The following TRIOBP variants were observed in gnomAD, a reference collection of about 807,000 sequenced individuals.
The protein encoded by TRIOBP is TRIO and F-actin binding protein, also known as TRIO and F-actin-binding protein.
In TRIOBP, 169 loss-of-function variants were observed where a neutral mutation model predicts 238.8. That is an observed-to-expected ratio of 0.71 (90% CI 0.62 to 0.80). The LOEUF (loss-of-function observed/expected upper bound fraction) is 0.80, where lower values mean the gene tolerates loss of function less well. TRIOBP is among the 30% of genes least tolerant of loss of function. The pLI, the probability that TRIOBP is intolerant of heterozygous loss-of-function variation, is 0.00. For synonymous variants in TRIOBP, 1,150 were observed against 1,274.4 expected (o/e 0.90, Z 2.08); for missense variants, 2,838 against 3,122.6 (o/e 0.91, Z 2.17).
At chr22:37,763,624 G>T (rs1316513746) in intron 17 of TRIOBP, among the ~76,000 whole-genome samples, 2 of 152,074 alleles carry the variant, frequency 1.3e-5, no homozygotes, top group African/African-American at 4.8e-5. Context: ...TTATATAAAA[G>T]AAATGTTTAC....
intron 6 of TRIOBP, among the ~76,000 whole-genome samples, chr22:37,716,428 T>C (rs1046753239): frequency 6.7e-5 from 10 of 149,994 alleles, no homozygotes; most frequent in African/African-American, 2.2e-4. Context: ...ATTATTATTA[T>C]TATTACTATT....
chr22:37,723,132 G>A, intron 6 of TRIOBP, 53 bp from the exon 7 acceptor site: 3 of 1,592,436 alleles, frequency 1.9e-6, no homozygotes, highest in Non-Finnish European at 2.6e-6. Flanking sequence ...GGTAGAATAT[G>A]AGAGCTGCCT....
intron 17 of TRIOBP, among the ~76,000 whole-genome samples, chr22:37,762,674 CA>C (rs1456210536): frequency 6.6e-6 from 1 of 152,152 alleles, no homozygotes; most frequent in African/African-American, 2.4e-5. Context: ...GAAGACCAGG[CA>C]GGTGGAGGAG....
Position 37,725,859 on chromosome 22 carries a change from C to G in TRIOBP, c.3303C>G (p.Pro1101=), listed in dbSNP as rs201406421. 1.1e-5 allele frequency: 18 copies of G among 1,613,166 alleles called. No homozygotes were observed. In the South Asian group the frequency reaches 2.0e-4, roughly 18 times the overall value. The change falls in exon 7 of 24, where the codon CCC becomes CCG. Residue 1101 remains proline (P), a synonymous_variant. Coordinates refer to ENST00000644935, the MANE Select transcript of TRIOBP (RefSeq NM_001039141.3). ...TSDAEHQCQS[P]QHEPLQLPAP... Reference sequence around the variant, plus strand: ...ATGCCGAGCATCAGTGTCAGTCCCCCCAACACGAGCCCCTTCAGCTCCCTG... The same window carrying G: ...ATGCCGAGCATCAGTGTCAGTCCCCGCAACACGAGCCCCTTCAGCTCCCTG...
rs1317870943 is a variant in TRIOBP at position 37,755,538 on chromosome 22, G to T, written c.5578-12G>T. 6 of 1,612,938 alleles carry T rather than the reference G, an allele frequency of 3.7e-6. No individual in the cohort carries two copies. Reference sequence around the variant, plus strand: ...GGCCATGTGGCAACCTACCCATGCGGTGGCCTTGCAGACCAAGGATGCTGT... The same window carrying T: ...GGCCATGTGGCAACCTACCCATGCGTTGGCCTTGCAGACCAAGGATGCTGT... On this transcript the variant is annotated splice_polypyrimidine_tract_variant and intron_variant, in intron 14 of 23. Coordinates refer to ENST00000644935, the MANE Select transcript of TRIOBP (RefSeq NM_001039141.3).
intron 10 of TRIOBP, 140 bp downstream of exon 10, chr22:37,738,859 T>C (rs1924807316): frequency 2.2e-6 from 2 of 920,346 alleles, no homozygotes; most frequent in South Asian, 2.8e-5. Flanking sequence ...ATGTGCATGG[T>C]GGGGCCTTAA....
rs1237573803 is a variant in TRIOBP, at chr22:37,701,291, C to T, written c.-60-15C>T. 8.3e-7 allele frequency: 1 copy of T among 1,198,950 alleles called. No homozygotes were observed. Among genetic ancestry groups the T allele is most frequent in the Non-Finnish European group, 1.2e-6 (1 of 821,616 alleles). The allele number at this position is 1,198,950 out of a possible 1,614,324, so 74.3% of individuals were successfully genotyped here. On this transcript the variant is annotated splice_polypyrimidine_tract_variant and intron_variant, in intron 2 of 23. Coordinates refer to ENST00000644935, the MANE Select transcript of TRIOBP (RefSeq NM_001039141.3). Reference sequence around the variant, plus strand: ...GCCAGTCATCTGGTCTTTGCCTCCCCCTCATTTTTGCCAGGCCTCACATAG... The same window carrying T: ...GCCAGTCATCTGGTCTTTGCCTCCCTCTCATTTTTGCCAGGCCTCACATAG...
At position 37,754,880 on chromosome 22, in the gene TRIOBP, C is replaced by A; in HGVS notation, c.5383C>A (p.Pro1795Thr). 1 of 1,614,072 alleles carries A rather than the reference C, an allele frequency of 6.2e-7. No homozygotes were observed. Among genetic ancestry groups the A allele is most frequent in the Non-Finnish European group, 8.5e-7 (1 of 1,180,000 alleles). ...TTTCATTCCATCCTCCTTGCAGCCTCCCTCCCCCTCGCTCACCACCACCTC... is the reference window on the plus strand; with the variant it reads ...TTTCATTCCATCCTCCTTGCAGCCTACCTCCCCCTCGCTCACCACCACCTC... The part of the protein sequence containing the change: ...MSILDEPGEP[P>T]SPSLTTTSTS... Residue 1795 changes from proline to threonine, a missense_variant, in exon 13 of 24, where the codon CCC becomes ACC. Around this residue, in one of 5 missense-constraint regions of TRIOBP, gnomAD observed 2,096 missense variants for 2,137.4 expected, o/e 0.98. Coordinates refer to ENST00000644935, the MANE Select transcript of TRIOBP (RefSeq NM_001039141.3).
chr22:37,755,219 T>C, intron 14 of TRIOBP, 29 bp downstream of exon 14: 1 of 1,600,108 alleles, frequency 6.2e-7, no homozygotes. Context: ...TGGGGGCTGG[T>C]GGTGGGCAGC....
At chr22:37,733,270 T>C (rs1334641920) in intron 7 of TRIOBP, 28 bp from the exon 8 acceptor site, 2 of 1,518,934 alleles carry the variant, frequency 1.3e-6, no homozygotes, top group Non-Finnish European at 8.9e-7. Context: ...GGACAGTCCC[T>C]CAGAGGAGTG....
rs757073501 is a variant in TRIOBP, at chr22:37,755,062, C to G, written c.5488-39C>G. 8 of 1,610,942 alleles carry G rather than the reference C, an allele frequency of 5.0e-6. No homozygotes were observed. The Admixed American group carries it at 5.0e-5, about 10-fold the overall frequency. ...CTGGGTTCACTGGGGTGGGTCACACCAGGGCCCACACGGACCATAGTGGGC... is the reference window on the plus strand; with the variant it reads ...CTGGGTTCACTGGGGTGGGTCACACGAGGGCCCACACGGACCATAGTGGGC... On this transcript the variant is annotated intron_variant, in intron 13 of 23. Transcript: ENST00000644935.
chr22:37,767,753 C>T (rs1410839158), intron 18 of TRIOBP, among the ~76,000 whole-genome samples: 1 of 152,070 alleles, frequency 6.6e-6, no homozygotes, highest in East Asian at 1.9e-4. Flanking sequence ...ATCACTAGAA[C>T]AGGAGGTACC....
chr22:37,725,310 T>C lies in TRIOBP; in HGVS notation c.2754T>C (p.Gly918=). Residue 918 remains glycine (G), a synonymous_variant, in exon 7 of 24, where the codon GGT becomes GGC. Coordinates refer to ENST00000644935, the MANE Select transcript of TRIOBP (RefSeq NM_001039141.3). ...SFPLRPTQSD[G]PRTSSPSRSK... is the part of the protein sequence containing the mutation. ...CCCTCCGGCCAACTCAGAGTGATGG[T>C]CCCCGAACCTCTTCCCCATCTCGCT... 6.2e-7 allele frequency: 1 copy of C among 1,613,466 alleles called. No homozygotes were observed. Among genetic ancestry groups the C allele is most frequent in the Non-Finnish European group, 8.5e-7 (1 of 1,179,898 alleles).
At chr22:37,769,499 GC>G (rs1926664417) in intron 21 of TRIOBP, 124 bp downstream of exon 21, 3 of 925,798 alleles carry the variant, frequency 3.2e-6, no homozygotes, top group Non-Finnish European at 5.1e-6. Context: ...GGCTGGGCCA[GC>G]CTGACTAGGC....
intron 6 of TRIOBP, among the ~76,000 whole-genome samples, chr22:37,717,368 CCCGAGCGGGTTG>C (rs1392782692): frequency 2.0e-5 from 3 of 152,192 alleles, no homozygotes; most frequent in Non-Finnish European, 4.4e-5. Context: ...TGGAAGAGGA[CCCGAGCGGGTTG>C]CCAGAGCTGG....
intron 23 of TRIOBP, among the ~76,000 whole-genome samples, chr22:37,773,551 A>G (rs1039631532): frequency 4.6e-5 from 7 of 152,096 alleles, no homozygotes; most frequent in African/African-American, 1.4e-4. Context: ...TTTCAACGCC[A>G]CATCTACCTG....
rs1601643827 is a variant in TRIOBP at position 37,741,051 on chromosome 22, G to A, written c.5322+19G>A. On this transcript the variant is annotated intron_variant, in intron 11 of 23. Transcript: ENST00000644935. ...GCGAAGGGTAGGCTGGCTCCAGTGGGGACTGGAGGGGTGAGGGTGGATAGA... is the reference window on the plus strand; with the variant it reads ...GCGAAGGGTAGGCTGGCTCCAGTGGAGACTGGAGGGGTGAGGGTGGATAGA... The A allele has an allele frequency of 5.1e-6, 8 of 1,558,758 alleles. No individual in the cohort carries two copies. Among genetic ancestry groups the A allele is most frequent in the Non-Finnish European group, 6.1e-6 (7 of 1,151,000 alleles).
intron 11 of TRIOBP, among the ~76,000 whole-genome samples, chr22:37,748,459 C>G (rs1391826921): frequency 1.3e-5 from 2 of 152,202 alleles, no homozygotes; most frequent in Admixed American, 6.5e-5. Context: ...CCCTCGCCTG[C>G]TGGGCATCAA....
Position 37,768,133 on chromosome 22 carries a change from C to T in TRIOBP, c.6532C>T (p.Arg2178Trp), listed in dbSNP as rs763560381. The T allele has an allele frequency of 9.3e-6, 15 of 1,613,548 alleles. No homozygotes were observed. Among genetic ancestry groups the T allele is most frequent in the East Asian group, 2.2e-5 (1 of 44,888 alleles). Residue 2178 changes from arginine (R) to tryptophan (W), a missense_variant, in exon 19 of 24, where the codon CGG (arginine) becomes TGG (tryptophan). This residue lies in a region of TRIOBP where 2,096 missense variants were observed against 2,137.4 expected (regional missense o/e 0.98). Coordinates refer to ENST00000644935, the MANE Select transcript of TRIOBP (RefSeq NM_001039141.3). ...EELSRELSKT[R>W]SLQQGPDGLR... ...GCTGAGCCGAGAGCTGAGCAAAACACGGAGTCTCCAGCAGGGCCCGGATGG... is the reference window on the plus strand; with the variant it reads ...GCTGAGCCGAGAGCTGAGCAAAACATGGAGTCTCCAGCAGGGCCCGGATGG...
Sources: allele counts gnomAD v4.1 joint callset (sites outside exome capture counted in the v4.1 genomes callset), GRCh38; gene constraint gnomAD v4.1.1; regional missense constraint gnomAD v4.1.1; transcripts MANE v1.5; gene names NCBI Gene and HGNC (gene_info 2026-07-23, HGNC 2026-07-21).